The following RGS3 variants were observed in gnomAD, a reference collection of about 807,000 sequenced individuals.
RGS3 encodes regulator of G-protein signalling 3.
In RGS3, 80 loss-of-function variants were observed where a neutral mutation model predicts 132.6. That is an observed-to-expected ratio of 0.60 (90% CI 0.50 to 0.73). The LOEUF is 0.73. Ranked by LOEUF, RGS3 falls within the 30% of genes least tolerant of loss-of-function variation. RGS3 has a pLI of 0.00. For missense variants in RGS3, 1,382 were observed against 1,530.8 expected, an observed-to-expected ratio of 0.90 and a Z score of 1.62; for synonymous variants, 598 against 620.6, an observed-to-expected ratio of 0.96 and a Z score of 0.54.
At chr9:113,480,474 A>G (rs1830125145) in intron 4 of RGS3, among the ~76,000 whole-genome samples, 1 of 151,890 alleles carries the variant, frequency 6.6e-6, no homozygotes, top group Admixed American at 6.6e-5. Context: ...AAAAAAAAAA[A>G]AAAAGAAAAC....
At chr9:113,562,966 C>G (rs1383030444) in intron 19 of RGS3, among the ~76,000 whole-genome samples, 3 of 152,232 alleles carry the variant, frequency 2.0e-5, no homozygotes, top group Non-Finnish European at 4.4e-5. Context: ...AGGCTATACA[C>G]TGGGAGGCCC....
chr9:113,568,728 C>A (rs1407181811), intron 19 of RGS3, among the ~76,000 whole-genome samples: 2 of 152,254 alleles, frequency 1.3e-5, no homozygotes, highest in Non-Finnish European at 2.9e-5. Context: ...AACCATCATT[C>A]CTCCCAGGAA....
chr9:113,590,674 T>C (rs763372486), intron 20 of RGS3, among the ~76,000 whole-genome samples: 1 of 151,934 alleles, frequency 6.6e-6, no homozygotes, highest in South Asian at 2.1e-4. Flanking sequence ...CTTCTGTTGG[T>C]TGGAAGGCAG....
exon 17 of RGS3, chr9:113,522,993 G>A (rs951280722): frequency 1.9e-5 from 30 of 1,613,990 alleles, no homozygotes; most frequent in Admixed American, 3.3e-5. Flanking sequence ...TGGCCGCTGC[G>A]ACGTCCTGAG....
intron 1 of RGS3, among the ~76,000 whole-genome samples, chr9:113,454,583 G>C (rs1446535444): frequency 6.6e-6 from 1 of 151,938 alleles, no homozygotes; most frequent in Non-Finnish European, 1.5e-5. Context: ...ACTCCATCCT[G>C]GGCGACAGAG....
intron 19 of RGS3, among the ~76,000 whole-genome samples, chr9:113,567,423 GA>G (rs1834063630): frequency 6.6e-6 from 1 of 152,236 alleles, no homozygotes; most frequent in African/African-American, 2.4e-5. Context: ...CATGGTTGGA[GA>G]GGGGCGTTGC....
chr9:113,447,347 A>G (rs1434955145), intron 1 of RGS3, among the ~76,000 whole-genome samples: 2 of 108,112 alleles, frequency 1.8e-5, no homozygotes, highest in Admixed American at 9.3e-5. Context: ...ATATATATAT[A>G]TATATATATA....
chr9:113,473,417 C>G (rs1455580233), intron 3 of RGS3, among the ~76,000 whole-genome samples: 1 of 152,186 alleles, frequency 6.6e-6, no homozygotes, highest in Non-Finnish European at 1.5e-5. Context: ...GGGTCTCACT[C>G]TGTTGCCCAG....
Position 113,497,544 on chromosome 9 carries a change from G to T in RGS3, c.841+140G>T, listed in dbSNP as rs551892715. ...CCTGCTGGGTGCAGGGACTTCTCAG[G>T]AGCACTTGCTAGAGTGCAGGCTGCA... On this transcript the variant is annotated intron_variant, in intron 9 of 24. Coordinates refer to ENST00000350696, the Ensembl canonical transcript of RGS3. 3 of 682,978 alleles carry T rather than the reference G, an allele frequency of 4.4e-6. No homozygotes were observed. In the South Asian group the frequency reaches 5.4e-5, roughly 12 times the overall value. The allele number at this position is 682,978 out of a possible 1,614,324, so 42.3% of individuals were successfully genotyped here.
At chr9:113,533,480 C>T (rs1008549851) in intron 18 of RGS3, among the ~76,000 whole-genome samples, 1 of 152,186 alleles carries the variant, frequency 6.6e-6, no homozygotes, top group African/African-American at 2.4e-5. Flanking sequence ...ATCTGCCTGC[C>T]TCAGCCTTTC....
intron 4 of RGS3, among the ~76,000 whole-genome samples, chr9:113,481,034 C>A (rs1830143206): frequency 6.6e-6 from 1 of 152,232 alleles, no homozygotes; most frequent in Admixed American, 6.5e-5. Context: ...ACCTGCTGTT[C>A]ACTGTGCCTG....
chr9:113,563,836 A>G (rs1462293393), intron 19 of RGS3, among the ~76,000 whole-genome samples: 1 of 152,236 alleles, frequency 6.6e-6, no homozygotes, highest in Non-Finnish European at 1.5e-5. Flanking sequence ...AGACAGGGGC[A>G]GGGATACAGG....
intron 4 of RGS3, 45 bp from the exon 3 acceptor site, chr9:113,483,014 T>G: frequency 6.2e-7 from 1 of 1,613,684 alleles, no homozygotes; most frequent in Non-Finnish European, 8.5e-7. Flanking sequence ...TGTGTGTGTG[T>G]GTATGTTTCC....
chr9:113,453,890 C>T (rs536549850), intron 1 of RGS3, among the ~76,000 whole-genome samples: 1 of 152,022 alleles, frequency 6.6e-6, no homozygotes, highest in South Asian at 2.1e-4. Context: ...GTCACCCAGG[C>T]TGTGATCATA....
rs1381769881 is a variant in RGS3, at chr9:113,565,913, G to GTGTGTGTGTGTGTGTC, written c.2038-17534_2038-17533insGTGTGTGTGTGTCTGT. On this transcript the variant is annotated intron_variant, in intron 19 of 24. Transcript: ENST00000350696. The surrounding 1 kb of genome is among the most constrained non-coding windows in gnomAD (Gnocchi z 5.7). Reference sequence around the variant, plus strand: ...TGTGTGTGTGTGTGTGTGTGTGTGTGTGTCTGTCTGTCTGTCTGTCTCAGG... The same window carrying GTGTGTGTGTGTGTGTC: ...TGTGTGTGTGTGTGTGTGTGTGTGTGTGTGTGTGTGTGTGTCTGTCTGTCTGTCTGTCTGTCTCAGG... Among the ~76,000 whole-genome samples the GTGTGTGTGTGTGTGTC allele has an allele frequency of 9.0e-5, 13 of 144,514 alleles. No homozygotes were observed. Among genetic ancestry groups the GTGTGTGTGTGTGTGTC allele is most frequent in the African/African-American group, 3.4e-4 (13 of 38,554 alleles). 94.8% of individuals were successfully genotyped at this position (144,514 alleles called of 152,430 possible).
chr9:113,495,949 A>T (rs997776671), intron 8 of RGS3, 103 bp downstream of exon 6: 3 of 1,018,780 alleles, frequency 2.9e-6, no homozygotes, highest in East Asian at 2.4e-5. Flanking sequence ...TCTCTGTGAG[A>T]TGGTGCCCCA....
Position 113,579,471 on chromosome 9 carries a change from G to GTCCA in RGS3, c.2038-3978_2038-3975dup, listed in dbSNP as rs780984454. On this transcript the variant is annotated intron_variant, in intron 19 of 24. Coordinates refer to ENST00000350696, the Ensembl canonical transcript of RGS3. This position sits in a 1 kb window ranked among gnomAD's most constrained non-coding sequence, Gnocchi z 4.3. ...ATGAGACATGGGCAGAATTAACCTGGTCCAGCCAAGCCAAAGAAGTGATGG... is the reference window on the plus strand; with the variant it reads ...ATGAGACATGGGCAGAATTAACCTGGTCCATCCAGCCAAGCCAAAGAAGTGATGG... Among the ~76,000 whole-genome samples the GTCCA allele has an allele frequency of 1.3e-5, 2 of 152,144 alleles. No individual in the cohort carries two copies. The highest frequency in any genetic ancestry group is 4.1e-4 in the South Asian group (2 of 4,832).
rs971611558 is a variant in RGS3 at position 113,507,127 on chromosome 9, A to G, written c.1086-160A>G. On this transcript the variant is annotated intron_variant, in intron 12 of 24. Coordinates refer to ENST00000350696, the Ensembl canonical transcript of RGS3. The surrounding 1 kb of genome is among the most constrained non-coding windows in gnomAD (Gnocchi z 5.0). ...GTGACCCATTTGCTGTCTCTTCTTT[A>G]AATGGCTTCTTGCATCCCTTCCTGC... Among the ~76,000 whole-genome samples the G allele has an allele frequency of 3.3e-5, 5 of 152,212 alleles. No homozygotes were observed. Among genetic ancestry groups the G allele is most frequent in the African/African-American group, 1.2e-4 (5 of 41,456 alleles).
intron 19 of RGS3, among the ~76,000 whole-genome samples, chr9:113,576,812 G>A (rs540728159): frequency 1.3e-5 from 2 of 152,322 alleles, no homozygotes; most frequent in East Asian, 3.9e-4. Flanking sequence ...AGGTTTGCAT[G>A]GAGGCAGCTC....
Sources: gnomAD v4.1 joint callset for allele counts (sites outside exome capture counted in the v4.1 genomes callset) on GRCh38, gnomAD v4.1.1 for gene constraint, Gnocchi (gnomAD v3.1) non-coding constraint, MANE v1.5 for transcripts, NCBI Gene and HGNC (gene_info 2026-07-23, HGNC 2026-07-21) for gene names.